The following SEC24B variants were observed in gnomAD, a reference collection of about 807,000 sequenced individuals.
SEC24B encodes protein transport protein Sec24B.
In SEC24B, 45 loss-of-function variants were observed where a neutral mutation model predicts 142.8. The observed-to-expected ratio is 0.32, with a 90% CI of 0.25 to 0.40. The LOEUF is 0.40. SEC24B is among the 10% of genes least tolerant of loss of function. The pLI, the probability that SEC24B is intolerant of heterozygous loss-of-function variation, is 1.00. For missense variants in SEC24B, 1,409 were observed against 1,526.8 expected (o/e 0.92, Z 1.29); for synonymous variants, 574 against 568.2 (o/e 1.01, Z -0.15).
chr4:109,535,725 G>T (rs181217020), intron 22 of SEC24B, among the ~76,000 whole-genome samples: 10 of 152,156 alleles, frequency 6.6e-5, no homozygotes, highest in Admixed American at 2.0e-4. Context: ...GGTGGCAGGC[G>T]CCTGTAGTCC....
At chr4:109,534,895 C>G (rs1193908746) in intron 22 of SEC24B, among the ~76,000 whole-genome samples, 1 of 152,154 alleles carries the variant, frequency 6.6e-6, no homozygotes, top group Non-Finnish European at 1.5e-5. Context: ...CCAGGCTGGT[C>G]TCGAACTACT....
chr4:109,513,845 T>G lies in SEC24B; in HGVS notation c.2002T>G (p.Ser668Ala). The G allele has an allele frequency of 6.3e-7, 1 of 1,592,030 alleles. No individual in the cohort carries two copies. ...TTCAACTGTGGAGTTCATTGCTTCT[T>G]CAGATTACATGGTAACTATTCAGTG... ...QNSTVEFIASSDYMLRPPQPA... is the reference protein window; with the variant it reads ...QNSTVEFIASADYMLRPPQPA... Residue 668 changes from serine to alanine, a missense_variant, in exon 10 of 24, where the codon TCA becomes GCA. Physicochemically the swap from Ser to Ala is moderately conservative, Grantham distance 99. Coordinates refer to ENST00000265175, the MANE Select transcript of SEC24B (RefSeq NM_006323.5).
chr4:109,444,408 G>C (rs1255493921), intron 1 of SEC24B, among the ~76,000 whole-genome samples: 1 of 151,444 alleles, frequency 6.6e-6, no homozygotes, highest in African/African-American at 2.4e-5. Context: ...GTAGAATAAA[G>C]GGAAGTCAGG....
intron 2 of SEC24B, among the ~76,000 whole-genome samples, chr4:109,467,759 AT>A (rs1440429038): frequency 6.6e-6 from 1 of 152,068 alleles, no homozygotes; most frequent in African/African-American, 2.4e-5. Context: ...TTTGATTAAA[AT>A]TAATTATTTT....
intron 1 of SEC24B, among the ~76,000 whole-genome samples, chr4:109,447,131 G>C (rs1004172353): frequency 2.6e-5 from 4 of 152,144 alleles, no homozygotes; most frequent in Non-Finnish European, 5.9e-5. Flanking sequence ...GTCAGGTGAA[G>C]CAGAAGAGGG....
chr4:109,484,791 G>T (rs1023003833), intron 4 of SEC24B, among the ~76,000 whole-genome samples: 5 of 150,384 alleles, frequency 3.3e-5, no homozygotes, highest in Admixed American at 3.3e-4. Flanking sequence ...GGCAGAGGTT[G>T]CAGTGAGCCG....
chr4:109,456,654 T>C (rs990531254), intron 1 of SEC24B, among the ~76,000 whole-genome samples: 3 of 152,224 alleles, frequency 2.0e-5, no homozygotes, highest in Admixed American at 2.0e-4. Flanking sequence ...TTGATGTGAT[T>C]ATGTGGCTTT....
intron 3 of SEC24B, among the ~76,000 whole-genome samples, chr4:109,478,964 A>G (rs1009667947): frequency 6.6e-6 from 1 of 152,170 alleles, no homozygotes; most frequent in African/African-American, 2.4e-5. Context: ...AGTTACTCAA[A>G]AGTCTGAACT....
Position 109,433,964 on chromosome 4 carries a change from C to G in SEC24B, c.95C>G (p.Ala32Gly). ...GAAVSGAAAP[A>G]GPGAGPAPHQ... The stretch of plus-strand genomic sequence containing the variant: ...GCCGTCTCAGGAGCCGCAGCGCCCG[C>G]GGGCCCGGGTGCGGGCCCGGCGCCG... The change falls in exon 1 of 24, where the codon GCG (alanine) becomes GGG (glycine). Residue 32 changes from alanine to glycine, a missense_variant. Transcript: ENST00000265175. The G allele has an allele frequency of 2.4e-6, 3 of 1,231,710 alleles. No individual in the cohort carries two copies. Among genetic ancestry groups the G allele is most frequent in the South Asian group, 3.2e-5 (1 of 31,266 alleles). 76.3% of individuals were successfully genotyped at this position (1,231,710 alleles called of 1,614,324 possible). A position where few individuals can be genotyped will look rare whatever the true frequency, so the allele number is the denominator to read the frequency against.
chr4:109,433,949 G>C lies in SEC24B; in HGVS notation c.80G>C (p.Gly27Ala). Residue 27 changes from glycine (G) to alanine (A), a missense_variant, in exon 1 of 24, where the codon GGA becomes GCA. Physicochemically the swap from Gly to Ala is moderately conservative, Grantham distance 60 (BLOSUM62 0). Coordinates refer to ENST00000265175, the MANE Select transcript of SEC24B (RefSeq NM_006323.5). ...AAGTTCGGCGGAGCGGCCGTCTCAG[G>C]AGCCGCAGCGCCCGCGGGCCCGGGT... is the stretch of plus-strand genomic sequence containing the variant. Reference protein sequence around the residue: ...PPKFGGAAVSGAAAPAGPGAG... With the variant: ...PPKFGGAAVSAAAAPAGPGAG... The C allele has an allele frequency of 8.0e-7, 1 of 1,249,474 alleles. No individual in the cohort carries two copies. Among genetic ancestry groups the C allele is most frequent in the Non-Finnish European group, 1.0e-6 (1 of 999,092 alleles). 77.4% of individuals were successfully genotyped at this position (1,249,474 alleles called of 1,614,324 possible).
At chr4:109,539,064 C>G (rs887140315) in intron 23 of SEC24B, among the ~76,000 whole-genome samples, 1 of 151,984 alleles carries the variant, frequency 6.6e-6, no homozygotes, top group East Asian at 1.9e-4. Flanking sequence ...TGGATTCAAG[C>G]GATTCGCCTG....
Position 109,494,641 on chromosome 4 carries a change from C to G in SEC24B, c.1273C>G (p.Pro425Ala). ...PDMLSSSASS[P>A]APDPAPEPDP... ...TATGCTTTCTTCATCAGCAAGCAGT[C>G]CTGCTCCTGATCCCGCCCCTGAACC... is the stretch of plus-strand genomic sequence containing the variant. The change falls in exon 6 of 24, where the codon CCT becomes GCT. Residue 425 changes from proline to alanine, a missense_variant. Transcript: ENST00000265175. 6.2e-7 allele frequency: 1 copy of G among 1,614,044 alleles called. No homozygotes were observed. Among genetic ancestry groups the G allele is most frequent in the Admixed American group, 1.7e-5 (1 of 60,028 alleles).
chr4:109,530,895 C>CAAAAA (rs35997146), intron 19 of SEC24B, among the ~76,000 whole-genome samples: 1,386 of 42,658 alleles, frequency 0.032, no homozygotes, highest in Non-Finnish European at 0.045. Flanking sequence ...GACTCCGTCT[C>CAAAAA]AAAAAAAAAA....
intron 1 of SEC24B, among the ~76,000 whole-genome samples, chr4:109,458,336 T>C (rs1730912303): frequency 6.6e-6 from 1 of 152,200 alleles, no homozygotes; most frequent in South Asian, 2.1e-4. Context: ...TTGGAATAGA[T>C]TTATAAAGAC....
Position 109,539,910 on chromosome 4 carries a change from T to A in SEC24B, c.*235T>A. The A allele has an allele frequency of 2.1e-6, 1 of 473,842 alleles. No homozygotes were observed. Among genetic ancestry groups the A allele is most frequent in the South Asian group, 2.7e-5 (1 of 37,106 alleles). The allele number at this position is 473,842 out of a possible 1,614,324, so 29.4% of individuals were successfully genotyped here. ...TCACCAAGTATATTTTGAATTGGTT[T>A]CTACACATTTCCAGTAGTATGGCAG... is the stretch of plus-strand genomic sequence containing the variant. On this transcript the variant is annotated 3_prime_UTR_variant, in exon 24 of 24. Transcript: ENST00000265175.
At chr4:109,527,504 T>A (rs1724377227) in intron 18 of SEC24B, 72 bp downstream of exon 18, 20 of 1,073,980 alleles carry the variant, frequency 1.9e-5, no homozygotes, top group Middle Eastern at 4.0e-4. Context: ...CTGGTGGCAG[T>A]GCGTCCGCCT....
Position 109,463,413 on chromosome 4 carries a change from G to A in SEC24B, c.646G>A (p.Ala216Thr). ...TYGQMFTSQN[A>T]PTVRPVKDNS... Reference sequence around the variant, plus strand: ...TGGGCAAATGTTTACCTCACAGAATGCTCCGACTGTTAGGCCAGTTAAAGA... The same window carrying A: ...TGGGCAAATGTTTACCTCACAGAATACTCCGACTGTTAGGCCAGTTAAAGA... Residue 216 changes from alanine to threonine, a missense_variant, in exon 2 of 24, where the codon GCT (alanine) becomes ACT (threonine). Ala to Thr is a moderately conservative substitution (Grantham distance 58). Around this residue, in one of 2 missense-constraint regions of SEC24B, gnomAD observed 709 missense variants for 673.5 expected, o/e 1.05. Coordinates refer to ENST00000265175, the MANE Select transcript of SEC24B (RefSeq NM_006323.5). 1.2e-6 allele frequency: 2 copies of A among 1,614,160 alleles called. No individual in the cohort carries two copies. Among genetic ancestry groups the A allele is most frequent in the Non-Finnish European group, 8.5e-7 (1 of 1,180,036 alleles).
Position 109,530,154 on chromosome 4 carries a change from G to A in SEC24B, c.3077-135G>A, listed in dbSNP as rs1031630445. 26 of 603,386 alleles carry A rather than the reference G, an allele frequency of 4.3e-5. 1 individual carries two copies. Among genetic ancestry groups the A allele is most frequent in the Non-Finnish European group, 5.9e-5 (21 of 357,378 alleles). 37.4% of individuals were successfully genotyped at this position (603,386 alleles called of 1,614,324 possible). ...ATAAGAAGACATTTGAAATGAGGGAGCTGATGAAATGCATTTTTCCATCCT... is the reference window on the plus strand; with the variant it reads ...ATAAGAAGACATTTGAAATGAGGGAACTGATGAAATGCATTTTTCCATCCT... On this transcript the variant is annotated intron_variant, in intron 18 of 23. Coordinates refer to ENST00000265175, the MANE Select transcript of SEC24B (RefSeq NM_006323.5).
rs775050253 is a variant in SEC24B at position 109,513,769 on chromosome 4, C to T, written c.1926C>T (p.Asn642=). ...VNDVPEEFMY[N]PLTRSYGEPH... is the part of the protein sequence containing the mutation. The stretch of plus-strand genomic sequence containing the variant: ...TAGTTCCTGAAGAATTTATGTATAA[C>T]CCCCTTACCCGATCTTATGGAGAGC... The change falls in exon 10 of 24, where the codon AAC becomes AAT. Residue 642 remains asparagine (N), a synonymous_variant. Coordinates refer to ENST00000265175, the MANE Select transcript of SEC24B (RefSeq NM_006323.5). 7 of 1,611,478 alleles carry T rather than the reference C, an allele frequency of 4.3e-6. No individual in the cohort carries two copies. The African/African-American group carries it at 8.0e-5, about 18-fold the overall frequency.
Sources: gnomAD v4.1 joint callset for allele counts (sites outside exome capture counted in the v4.1 genomes callset) on GRCh38, gnomAD v4.1.1 for gene constraint, gnomAD v4.1.1 regional missense constraint, MANE v1.5 for transcripts, NCBI Gene and HGNC (gene_info 2026-07-23, HGNC 2026-07-21) for gene names.